SGPP2: variants seen among roughly 807,000 people sequenced by gnomAD.
SGPP2 encodes the protein sphingosine 1-phosphate phosphohydrolase 2.
In SGPP2, 30 loss-of-function variants were observed where a neutral mutation model predicts 33.9. The observed-to-expected ratio is 0.89, with a 90% CI of 0.66 to 1.20. SGPP2 has a LOEUF of 1.20. Ranked by LOEUF, SGPP2 falls within the 50% of genes most tolerant of loss-of-function variation. The pLI, the probability that SGPP2 is intolerant of heterozygous loss-of-function variation, is 0.00. For synonymous variants in SGPP2, 233 were observed against 225.0 expected (o/e 1.04, Z -0.32); for missense variants, 458 against 532.1 (o/e 0.86, Z 1.37).
At chr2:222,438,659 C>T (rs1477549426) in intron 1 of SGPP2, among the ~76,000 whole-genome samples, 1 of 152,228 alleles carries the variant, frequency 6.6e-6, no homozygotes, top group African/African-American at 2.4e-5. Context: ...CAATTGCAGT[C>T]ACCACTTGAT....
At chr2:222,463,104 G>A (rs951708509) in intron 1 of SGPP2, among the ~76,000 whole-genome samples, 20 of 152,224 alleles carry the variant, frequency 1.3e-4, no homozygotes, top group Non-Finnish European at 1.5e-5. Context: ...CTCTAGGCAA[G>A]ACTTTAGGAG....
intron 1 of SGPP2, among the ~76,000 whole-genome samples, chr2:222,425,294 G>C (rs183454955): frequency 4.8e-4 from 72 of 151,194 alleles, no homozygotes; most frequent in Non-Finnish European, 8.0e-4. Flanking sequence ...GCGCTGCACC[G>C]CCAGCTCTGG....
intron 1 of SGPP2, among the ~76,000 whole-genome samples, chr2:222,462,015 A>G (rs989601494): frequency 2.6e-5 from 4 of 152,146 alleles, no homozygotes; most frequent in African/African-American, 9.7e-5. Context: ...AGCGACCGTC[A>G]TGAGTCATGC....
At chr2:222,435,791 T>C (rs1357881201) in intron 1 of SGPP2, among the ~76,000 whole-genome samples, 2 of 152,210 alleles carry the variant, frequency 1.3e-5, no homozygotes, top group East Asian at 3.9e-4. Context: ...CTCATGACAA[T>C]TACAGTCCTG....
At chr2:222,542,677 G>T (rs1434927580) in intron 4 of SGPP2, among the ~76,000 whole-genome samples, 1 of 151,942 alleles carries the variant, frequency 6.6e-6, no homozygotes. Context: ...ATGTTCATTG[G>T]CCATTTAGAT....
intron 1 of SGPP2, among the ~76,000 whole-genome samples, chr2:222,437,463 G>A (rs1337850268): frequency 2.0e-5 from 3 of 152,178 alleles, no homozygotes; most frequent in Non-Finnish European, 4.4e-5. Flanking sequence ...TGTGAACCAG[G>A]CCCTAGTCTT....
At chr2:222,439,724 T>C (rs1367785786) in intron 1 of SGPP2, among the ~76,000 whole-genome samples, 2 of 152,222 alleles carry the variant, frequency 1.3e-5, no homozygotes, top group Admixed American at 1.3e-4. Context: ...TCCATGTATA[T>C]AATGTTCTTG....
intron 4 of SGPP2, among the ~76,000 whole-genome samples, chr2:222,557,394 T>G (rs1015594550): frequency 3.3e-5 from 5 of 152,244 alleles, no homozygotes; most frequent in Non-Finnish European, 7.3e-5. Flanking sequence ...TTCTAAGATC[T>G]AATTCTCACC....
chr2:222,533,029 A>G (rs1461092711), intron 4 of SGPP2, among the ~76,000 whole-genome samples: 3 of 152,142 alleles, frequency 2.0e-5, no homozygotes, highest in African/African-American at 2.4e-5. Context: ...AAGGCATTCT[A>G]TGTGAAGTGA....
intron 2 of SGPP2, among the ~76,000 whole-genome samples, chr2:222,514,676 A>G (rs1191947037): frequency 6.6e-6 from 1 of 152,244 alleles, no homozygotes; most frequent in East Asian, 1.9e-4. Flanking sequence ...TTTTTCATCT[A>G]CATGAATGTC....
At chr2:222,488,990 C>T (rs958393180) in intron 2 of SGPP2, among the ~76,000 whole-genome samples, 1 of 152,104 alleles carries the variant, frequency 6.6e-6, no homozygotes. Flanking sequence ...GAAGGTTTTC[C>T]AAAAACACTG....
At chr2:222,434,949 G>A (rs536775073) in intron 1 of SGPP2, among the ~76,000 whole-genome samples, 13 of 147,550 alleles carry the variant, frequency 8.8e-5, no homozygotes, top group African/African-American at 3.3e-4. Flanking sequence ...TCTCTAGAGG[G>A]ACAGACCTAA....
chr2:222,558,323 T>C, intron 4 of SGPP2, 24 bp from the exon 5 acceptor site: 4 of 1,610,444 alleles, frequency 2.5e-6, no homozygotes, highest in Non-Finnish European at 3.4e-6. Context: ...TGGTTCACAC[T>C]GTTCTTTTCT....
chr2:222,532,799 G>A (rs1698858373), intron 4 of SGPP2, among the ~76,000 whole-genome samples: 1 of 152,162 alleles, frequency 6.6e-6, no homozygotes, highest in African/African-American at 2.4e-5. Context: ...CCATTTGTGA[G>A]CAGCAGCCAT....
rs944051528 is a variant in SGPP2 at position 222,521,175 on chromosome 2, A to G, written c.379-592A>G. 3.9e-5 allele frequency among the ~76,000 whole-genome samples: 6 copies of G among 152,254 alleles called. No homozygotes were observed. In the South Asian group the frequency reaches 6.2e-4, roughly 16 times the overall value. On this transcript the variant is annotated intron_variant, in intron 2 of 4. Transcript: ENST00000321276. ...TGCCTTCATACAACAGTGGCATTCA[A>G]AAAGTATCTTACTAGCTGTTCGAGT...
At chr2:222,532,246 C>A (rs1452649887) in intron 4 of SGPP2, among the ~76,000 whole-genome samples, 2 of 151,366 alleles carry the variant, frequency 1.3e-5, no homozygotes, top group African/African-American at 4.9e-5. Context: ...TGCACTTGAG[C>A]CTGGGCAACA....
chr2:222,546,967 C>T (rs1012104682), intron 4 of SGPP2, among the ~76,000 whole-genome samples: 4 of 152,032 alleles, frequency 2.6e-5, no homozygotes, highest in South Asian at 2.1e-4. Context: ...GTCAGAAATG[C>T]GGACTCTCAG....
chr2:222,535,740 G>A (rs1043221993), intron 4 of SGPP2, among the ~76,000 whole-genome samples: 3 of 152,252 alleles, frequency 2.0e-5, no homozygotes, highest in African/African-American at 7.2e-5. Flanking sequence ...ACCTGGAGGA[G>A]CCTACAATTA....
chr2:222,504,282 A>C (rs1698411494), intron 2 of SGPP2: 1 of 152,296 alleles, frequency 6.6e-6, no homozygotes, highest in Non-Finnish European at 1.5e-5. Context: ...ATGACACTAC[A>C]GCTTGCTGGA....
Sources: gnomAD v4.1 joint callset for allele counts (sites outside exome capture counted in the v4.1 genomes callset) on GRCh38, gnomAD v4.1.1 for gene constraint, MANE v1.5 for transcripts, NCBI Gene and HGNC (gene_info 2026-07-23, HGNC 2026-07-21) for gene names.